SORCS3: variants seen among roughly 807,000 people sequenced by gnomAD.
SORCS3 encodes VPS10 domain-containing receptor SorCS3.
In SORCS3, 57 loss-of-function variants were observed where a neutral mutation model predicts 146.3. That is an observed-to-expected ratio of 0.39 (90% CI 0.31 to 0.49). The LOEUF is 0.49. Ranked by LOEUF, SORCS3 falls within the 20% of genes least tolerant of loss-of-function variation. The pLI, the probability that SORCS3 is intolerant of heterozygous loss-of-function variation, is 0.92. For missense variants in SORCS3, 1,341 were observed against 1,575.5 expected (o/e 0.85, Z 2.52); for synonymous variants, 653 against 618.5 (o/e 1.06, Z -0.83).
intron 4 of SORCS3, among the ~76,000 whole-genome samples, chr10:105,010,402 A>G (rs1466106073): frequency 6.6e-6 from 1 of 152,224 alleles, no homozygotes; most frequent in Non-Finnish European, 1.5e-5. Flanking sequence ...ATGGTCTTTG[A>G]GAAATAATTG....
chr10:104,886,986 C>G (rs1039512470), intron 2 of SORCS3, among the ~76,000 whole-genome samples: 3 of 152,012 alleles, frequency 2.0e-5, no homozygotes, highest in African/African-American at 7.2e-5. Context: ...TTTGGTAATC[C>G]TAGTGATTCA....
chr10:104,751,945 AT>A (rs1419801327), intron 1 of SORCS3, among the ~76,000 whole-genome samples: 2 of 113,148 alleles, frequency 1.8e-5, no homozygotes, highest in Non-Finnish European at 3.5e-5. Flanking sequence ...ATATATATAT[AT>A]ATATATATAT....
chr10:104,714,345 G>T (rs191754971), intron 1 of SORCS3, among the ~76,000 whole-genome samples: 5 of 151,854 alleles, frequency 3.3e-5, no homozygotes, highest in Admixed American at 3.3e-4. Flanking sequence ...TGTAATCTTA[G>T]GTTCATTGAT....
intron 1 of SORCS3, among the ~76,000 whole-genome samples, chr10:104,673,239 T>C (rs577587862): frequency 3.3e-5 from 5 of 152,284 alleles, no homozygotes; most frequent in Admixed American, 2.0e-4. Flanking sequence ...GAGAATTTAT[T>C]CCATTTACAT....
intron 23 of SORCS3, among the ~76,000 whole-genome samples, chr10:105,253,572 T>C (rs1486326143): frequency 1.3e-5 from 2 of 152,218 alleles, no homozygotes; most frequent in Non-Finnish European, 2.9e-5. Flanking sequence ...TCTTAATGCC[T>C]GCACTGTTTC....
rs555591491 is a variant in SORCS3, at chr10:105,060,947, A to C, written c.1028+17819A>C. On this transcript the variant is annotated intron_variant, in intron 5 of 26. Transcript: ENST00000369701. Reference sequence around the variant, plus strand: ...AGTGAAACTCCGTCTTAAAACAAAAAAAAAAAACAAACAAAAAAGTTAAAA... The same window carrying C: ...AGTGAAACTCCGTCTTAAAACAAAACAAAAAAACAAACAAAAAAGTTAAAA... 3.7e-4 allele frequency among the ~76,000 whole-genome samples: 56 copies of C among 152,184 alleles called. 2 individuals are homozygous for C. The highest frequency in any genetic ancestry group is 1.2e-3 in the African/African-American group (51 of 41,540).
intron 7 of SORCS3, among the ~76,000 whole-genome samples, chr10:105,107,277 G>C (rs941080784): frequency 6.7e-6 from 1 of 149,704 alleles, no homozygotes; most frequent in African/African-American, 2.5e-5. Context: ...TCATTGTTAT[G>C]GTCCCCATTT....
chr10:105,096,547 G>T (rs1456401336), intron 6 of SORCS3, among the ~76,000 whole-genome samples: 2 of 152,114 alleles, frequency 1.3e-5, no homozygotes, highest in Non-Finnish European at 2.9e-5. Context: ...AGGCCACGGA[G>T]ATTCTGCTGT....
intron 5 of SORCS3, among the ~76,000 whole-genome samples, chr10:105,084,388 C>A (rs568329605): frequency 6.6e-6 from 1 of 152,242 alleles, no homozygotes; most frequent in Non-Finnish European, 1.5e-5. Context: ...CAAGTTTAAC[C>A]CTTATGATTT....
At chr10:104,727,310 T>G (rs927647001) in intron 1 of SORCS3, among the ~76,000 whole-genome samples, 2 of 152,206 alleles carry the variant, frequency 1.3e-5, no homozygotes, top group African/African-American at 2.4e-5. Flanking sequence ...TTCATTGTAC[T>G]TTTGTGGAAA....
In SORCS3 at chr10:105,199,984, C is replaced by A. The variant is rs1276547861; in HGVS notation, c.2010-15C>A. The A allele has an allele frequency of 6.2e-7, 1 of 1,601,074 alleles. No individual in the cohort carries two copies. Among genetic ancestry groups the A allele is most frequent in the East Asian group, 2.2e-5 (1 of 44,788 alleles). Reference sequence around the variant, plus strand: ...TTCTCCCCTTGTGTCTCCCACTCCTCCCCTAAACACTTAGAGTTTTTGGCC... The same window carrying A: ...TTCTCCCCTTGTGTCTCCCACTCCTACCCTAAACACTTAGAGTTTTTGGCC... On this transcript the variant is annotated splice_polypyrimidine_tract_variant and intron_variant, in intron 14 of 26. Coordinates refer to ENST00000369701, the MANE Select transcript of SORCS3 (RefSeq NM_014978.3).
chr10:104,882,419 A>C (rs562739146), intron 2 of SORCS3, among the ~76,000 whole-genome samples: 3 of 152,210 alleles, frequency 2.0e-5, no homozygotes, highest in Non-Finnish European at 4.4e-5. Context: ...GGAAAAAATG[A>C]CTATCAGAGC....
intron 5 of SORCS3, among the ~76,000 whole-genome samples, chr10:105,048,661 T>A (rs1476504012): frequency 1.3e-5 from 2 of 151,980 alleles, no homozygotes; most frequent in Admixed American, 1.3e-4. Context: ...GTTGTGCACA[T>A]GTACCCTAAA....
intron 2 of SORCS3, among the ~76,000 whole-genome samples, chr10:104,869,287 A>C (rs562656402): frequency 8.2e-4 from 125 of 152,304 alleles, no homozygotes; most frequent in African/African-American, 2.9e-3. Context: ...CAGAGTGTCC[A>C]AACCAAGAGT....
intron 1 of SORCS3, among the ~76,000 whole-genome samples, chr10:104,781,755 C>T (rs766135194): frequency 1.3e-5 from 2 of 152,222 alleles, no homozygotes; most frequent in Non-Finnish European, 2.9e-5. Context: ...ATAAGATGGG[C>T]AGGTGCCCCC....
chr10:104,678,447 G>A (rs1447189409), intron 1 of SORCS3, among the ~76,000 whole-genome samples: 2 of 152,182 alleles, frequency 1.3e-5, no homozygotes, highest in Admixed American at 6.5e-5. Flanking sequence ...TCTGAGTCTG[G>A]TAACCAAATC....
intron 20 of SORCS3, among the ~76,000 whole-genome samples, chr10:105,241,550 C>T (rs1216764321): frequency 6.6e-6 from 1 of 152,180 alleles, no homozygotes; most frequent in African/African-American, 2.4e-5. Flanking sequence ...TTTCTGGGTA[C>T]CCACACTCGG....
chr10:105,258,512 T>C (rs1255377708), intron 25 of SORCS3, among the ~76,000 whole-genome samples: 3 of 152,196 alleles, frequency 2.0e-5, no homozygotes, highest in Non-Finnish European at 2.9e-5. Flanking sequence ...CAGAGCAGCA[T>C]AGTTGCTGAG....
chr10:104,716,571 G>A (rs1436725517), intron 1 of SORCS3, among the ~76,000 whole-genome samples: 2 of 152,066 alleles, frequency 1.3e-5, no homozygotes, highest in African/African-American at 4.8e-5. Context: ...GGAGAGAGAA[G>A]AATGAGGATG....
Sources: allele counts gnomAD v4.1 joint callset (sites outside exome capture counted in the v4.1 genomes callset), GRCh38; gene constraint gnomAD v4.1.1; transcripts MANE v1.5; gene names NCBI Gene and HGNC (gene_info 2026-07-23, HGNC 2026-07-21).